ADAMTS9: variants seen among roughly 807,000 people sequenced by gnomAD.
ADAMTS9 encodes the protein A disintegrin and metalloproteinase with thrombospondin motifs 9.
In ADAMTS9, 107 loss-of-function variants were observed where a neutral mutation model predicts 257.1. That is an observed-to-expected ratio of 0.42 (90% confidence interval 0.36 to 0.49). ADAMTS9 has a LOEUF of 0.49. Among genes scored for constraint, ADAMTS9 ranks in the 20% least tolerant of loss-of-function variants. The pLI is 0.03. For synonymous variants in ADAMTS9, 982 were observed against 880.9 expected (o/e 1.11, Z -2.03); for missense variants, 2,353 against 2,469.1 (o/e 0.95, Z 1.00).
At chr3:64,649,581 A>G (rs1700880728) in intron 10 of ADAMTS9, 56 bp downstream of exon 10, 2 of 1,529,896 alleles carry the variant, frequency 1.3e-6, no homozygotes, top group African/African-American at 2.8e-5. Flanking sequence ...AAAACTATGA[A>G]TAAAAAGAAG....
At chr3:64,672,125 A>G (rs1701505640) in intron 3 of ADAMTS9, among the ~76,000 whole-genome samples, 1 of 152,220 alleles carries the variant, frequency 6.6e-6, no homozygotes, top group African/African-American at 2.4e-5. Context: ...GCCCTCTTCC[A>G]GAGTCTTCTG....
At chr3:64,572,059 CTCCT>C (rs769446559) in intron 28 of ADAMTS9, among the ~76,000 whole-genome samples, 30,083 of 152,086 alleles carry the variant, frequency 0.2, 4,758 homozygotes, top group East Asian at 0.44. Context: ...GCCAAAAAGC[CTCCT>C]ACTTTGCCAA....
intron 12 of ADAMTS9, among the ~76,000 whole-genome samples, chr3:64,640,915 G>A (rs1261723686): frequency 6.6e-6 from 1 of 151,606 alleles, no homozygotes; most frequent in Admixed American, 6.6e-5. Context: ...GTCCTAACAA[G>A]GTTAGGCTGG....
intron 11 of ADAMTS9, among the ~76,000 whole-genome samples, chr3:64,644,985 G>A (rs1374801348): frequency 1.3e-5 from 2 of 152,278 alleles, no homozygotes; most frequent in African/African-American, 4.8e-5. Context: ...CCATTGACAG[G>A]TGTCCAAAAG....
intron 9 of ADAMTS9, chr3:64,650,354 G>A (rs970480538): frequency 1.3e-4 from 20 of 152,572 alleles, no homozygotes; most frequent in African/African-American, 3.9e-4. Flanking sequence ...TATACACCCA[G>A]TGACTCTGGG....
chr3:64,559,110 G>T (rs962529434), intron 30 of ADAMTS9, among the ~76,000 whole-genome samples: 3 of 152,144 alleles, frequency 2.0e-5, no homozygotes, highest in African/African-American at 7.2e-5. Context: ...AAAGTAGGAA[G>T]AATTAATAAT....
Position 64,642,195 on chromosome 3 carries a change from A to T in ADAMTS9, c.1711-202T>A, listed in dbSNP as rs910576695. Among the ~76,000 whole-genome samples, 5 of 152,292 alleles carry T rather than the reference A, an allele frequency of 3.3e-5. No individual in the cohort carries two copies. The South Asian group carries it at 6.2e-4, about 19-fold the overall frequency. On this transcript the variant is annotated intron_variant, in intron 11 of 39. Transcript: ENST00000498707. ...GATTTTAGGCTGGGTCTTCCTTTAC[A>T]GCTTGCTTGAATAAAACTGGCCAGT...
intron 3 of ADAMTS9, among the ~76,000 whole-genome samples, chr3:64,679,290 C>G (rs1701697212): frequency 6.6e-6 from 1 of 152,164 alleles, no homozygotes; most frequent in Admixed American, 6.5e-5. Context: ...TGCCCCCTCT[C>G]TCTTTTCCAC....
At position 64,562,252 on chromosome 3, in the gene ADAMTS9, C is replaced by T. The variant is rs537978028; in HGVS notation, c.4525-501G>A. Among the ~76,000 whole-genome samples, 11 of 152,250 alleles carry T rather than the reference C, an allele frequency of 7.2e-5. No individual in the cohort carries two copies. In the East Asian group the frequency reaches 2.1e-3, roughly 29 times the overall value. On this transcript the variant is annotated intron_variant, in intron 29 of 39. Coordinates refer to ENST00000498707, the MANE Select transcript of ADAMTS9 (RefSeq NM_182920.2). ...TAGAATTATTTTCTCCAGTCTCTTC[C>T]TTTTCTTGCTCCTATTCATGGAGAT...
Position 64,654,593 on chromosome 3 carries a change from G to A in ADAMTS9, c.1189C>T (p.His397Tyr), listed in dbSNP as rs1401406568. The A allele has an allele frequency of 1.9e-6, 3 of 1,614,020 alleles. No individual in the cohort carries two copies. Among genetic ancestry groups the A allele is most frequent in the Non-Finnish European group, 2.5e-6 (3 of 1,180,034 alleles). ...LLTRQDICRA[H>Y]DKCDTLGLAE... ...TCACCTAAGGTATCACATTTGTCGT[G>A]AGCTCTGCAGATATCCTGTCTGAAA... The change falls in exon 7 of 40, where the codon CAC (histidine) becomes TAC (tyrosine). Residue 397 changes from histidine to tyrosine, a missense_variant. By Grantham distance (83) the His-to-Tyr change is moderately conservative (BLOSUM62 2). Around this residue, in one of 3 missense-constraint regions of ADAMTS9, gnomAD observed 591 missense variants for 569.6 expected, o/e 1.04. Coordinates refer to ENST00000498707, the MANE Select transcript of ADAMTS9 (RefSeq NM_182920.2).
intron 32 of ADAMTS9, 66 bp downstream of exon 32, chr3:64,546,692 G>A: frequency 6.7e-7 from 1 of 1,485,754 alleles, no homozygotes; most frequent in Non-Finnish European, 9.1e-7. Context: ...GGGTTAGGCA[G>A]GACATGTTTA....
chr3:64,623,936 T>C (rs996440435), intron 16 of ADAMTS9, among the ~76,000 whole-genome samples: 4 of 152,040 alleles, frequency 2.6e-5, no homozygotes, highest in Non-Finnish European at 5.9e-5. Context: ...AAAGTGATAT[T>C]GGAGAACTGC....
At position 64,647,983 on chromosome 3, in the gene ADAMTS9, T is replaced by G; in HGVS notation, c.1667A>C (p.Gln556Pro). ...VNGVHKGCRT[Q>P]HTPWADGTEC... ...CGTCCCATCGGCCCAGGGTGTGTGC[T>G]GAGTCCGGCAGCCTTTGTGTACTCC... Residue 556 changes from glutamine (Q) to proline (P), a missense_variant, in exon 11 of 40, where the codon CAG becomes CCG. This residue lies in a region of ADAMTS9 where 360 missense variants were observed against 458.1 expected (regional missense o/e 0.79). Coordinates refer to ENST00000498707, the MANE Select transcript of ADAMTS9 (RefSeq NM_182920.2). The G allele has an allele frequency of 6.2e-7, 1 of 1,613,964 alleles. No individual in the cohort carries two copies. Among genetic ancestry groups the G allele is most frequent in the Non-Finnish European group, 8.5e-7 (1 of 1,180,016 alleles).
chr3:64,530,988 T>A (rs2082973856), intron 38 of ADAMTS9, among the ~76,000 whole-genome samples: 1 of 152,216 alleles, frequency 6.6e-6, no homozygotes, highest in African/African-American at 2.4e-5. Context: ...AAGAACATTA[T>A]AATTTCGGGG....
chr3:64,686,922 G>A lies in ADAMTS9; in HGVS notation c.162C>T (p.Ile54=), dbSNP rs138949953. ...TLSEYEIVSP[I]RVNALGEPFP... ...AGGGTTCTCCGAGAGCGTTCACTCG[G>A]ATGGGAGACACGATTTCGTATTCGC... The change falls in exon 2 of 40, where the codon ATC becomes ATT. Residue 54 remains isoleucine, a synonymous_variant. Transcript: ENST00000498707. The surrounding 1 kb of genome is among the most constrained non-coding windows in gnomAD (Gnocchi z 4.6). 2.2e-5 allele frequency: 35 copies of A among 1,614,108 alleles called. No homozygotes were observed. The highest frequency in any genetic ancestry group is 3.0e-5 in the Non-Finnish European group (35 of 1,180,054).
In ADAMTS9 at chr3:64,687,780, T is replaced by C. The variant is rs1273224282; in HGVS notation, c.-123A>G. 2 of 722,950 alleles carry C rather than the reference T, an allele frequency of 2.8e-6. No individual in the cohort carries two copies. The highest frequency in any genetic ancestry group is 4.3e-6 in the Non-Finnish European group (2 of 469,508). The allele number at this position is 722,950 out of a possible 1,614,324, so 44.8% of individuals were successfully genotyped here. Reference sequence around the variant, plus strand: ...GGAGCCCGGCGCCCGCCGCCAACTTTTGACTTTAGGAGTCGCTGAGGTCTC... The same window carrying C: ...GGAGCCCGGCGCCCGCCGCCAACTTCTGACTTTAGGAGTCGCTGAGGTCTC... On this transcript the variant is annotated 5_prime_UTR_variant, in exon 1 of 40. Transcript: ENST00000498707. This position sits in a 1 kb window ranked among gnomAD's most constrained non-coding sequence, Gnocchi z 4.4.
intron 8 of ADAMTS9, among the ~76,000 whole-genome samples, chr3:64,651,675 G>T (rs765637348): frequency 6.6e-6 from 1 of 152,138 alleles, no homozygotes; most frequent in African/African-American, 2.4e-5. Flanking sequence ...ATATACCTGC[G>T]TAGGTATATC....
chr3:64,581,750 C>T lies in ADAMTS9; in HGVS notation c.4356+12508G>A, dbSNP rs886461166. Reference sequence around the variant, plus strand: ...AGCATCCACTTCCCTTATGGAAAACCAAGATCTCTTCCACATTGGGCACCA... The same window carrying T: ...AGCATCCACTTCCCTTATGGAAAACTAAGATCTCTTCCACATTGGGCACCA... On this transcript the variant is annotated intron_variant, in intron 28 of 39. Coordinates refer to ENST00000498707, the MANE Select transcript of ADAMTS9 (RefSeq NM_182920.2). 2.0e-5 allele frequency among the ~76,000 whole-genome samples: 3 copies of T among 152,132 alleles called. No homozygotes were observed. The South Asian group carries it at 6.2e-4, about 32-fold the overall frequency.
chr3:64,548,184 C>T (rs1426185242), intron 31 of ADAMTS9, among the ~76,000 whole-genome samples: 1 of 152,294 alleles, frequency 6.6e-6, no homozygotes, highest in East Asian at 1.9e-4. Context: ...ACATAGTTTT[C>T]TTCTCCTGCA....
Sources: gnomAD v4.1 joint callset for allele counts (sites outside exome capture counted in the v4.1 genomes callset) on GRCh38, gnomAD v4.1.1 for gene constraint, gnomAD v4.1.1 regional missense constraint, Gnocchi (gnomAD v3.1) non-coding constraint, MANE v1.5 for transcripts, NCBI Gene and HGNC (gene_info 2026-07-23, HGNC 2026-07-21) for gene names.